Variants in ACTR3C observed in about 807,000 individuals in gnomAD.
The protein encoded by ACTR3C is actin-related protein 3C.
In ACTR3C, 18 loss-of-function variants were observed where a neutral mutation model predicts 26.3. The ratio of observed to expected loss-of-function variants is 0.68; its 90% confidence interval spans 0.47 to 1.01. The LOEUF (loss-of-function observed/expected upper bound fraction) is 1.01, where lower values mean the gene tolerates loss of function less well. Among genes scored for constraint, ACTR3C ranks in the 50% least tolerant of loss-of-function variants. The pLI, the probability that ACTR3C is intolerant of heterozygous loss-of-function variation, is 0.00. For missense variants in ACTR3C, 184 were observed against 250.7 expected, an observed-to-expected ratio of 0.73 and a Z score of 1.80; for synonymous variants, 55 against 94.5, an observed-to-expected ratio of 0.58 and a Z score of 2.42.
At chr7:150,147,712 T>G in the ACTR3C span, among the ~76,000 whole-genome samples, 8 of 152,312 alleles carry the variant, frequency 5.3e-5, no homozygotes, top group South Asian at 1.7e-3. Context: ...AGTCATGATG[T>G]GTGTGCCAGG....
chr7:150,302,034 TA>T (rs886406627), intron 1 of ACTR3C, among the ~76,000 whole-genome samples: 11 of 150,834 alleles, frequency 7.3e-5, no homozygotes, highest in Admixed American at 4.0e-4. Flanking sequence ...TATTTTAGAA[TA>T]AAAAAAAGTT....
At chr7:150,199,745 AAAC>A in the ACTR3C span, among the ~76,000 whole-genome samples, 1 of 144,166 alleles carries the variant, frequency 6.9e-6, no homozygotes, top group Non-Finnish European at 1.5e-5. Flanking sequence ...AAAAAAAAAA[AAAC>A]ATAGTACTGG....
At chr7:150,280,820 A>G (rs575664085) in intron 6 of ACTR3C, among the ~76,000 whole-genome samples, 14,051 of 142,838 alleles carry the variant, frequency 0.098, 896 homozygotes, top group South Asian at 0.18. Flanking sequence ...GTGTGTGTGT[A>G]TATATATATA....
the ACTR3C span, among the ~76,000 whole-genome samples, chr7:150,042,098 G>A: frequency 4.3e-5 from 4 of 93,764 alleles, no homozygotes; most frequent in Non-Finnish European, 4.6e-5. Flanking sequence ...CTGCCTCGCG[G>A]GGGGTGCCTC....
the ACTR3C span, among the ~76,000 whole-genome samples, chr7:149,886,086 G>A: frequency 1.3e-5 from 2 of 152,194 alleles, no homozygotes; most frequent in Non-Finnish European, 2.9e-5. Context: ...GTGCTCAACT[G>A]GTCGATAAAT....
chr7:149,914,230 T>A, the ACTR3C span, among the ~76,000 whole-genome samples: 1 of 151,802 alleles, frequency 6.6e-6, no homozygotes, highest in Admixed American at 6.6e-5. Flanking sequence ...AAACACTGTG[T>A]GTTTAGGTAC....
At chr7:150,052,570 T>C in the ACTR3C span, among the ~76,000 whole-genome samples, 1 of 131,676 alleles carries the variant, frequency 7.6e-6, no homozygotes, top group African/African-American at 2.7e-5. Flanking sequence ...CTCTGCATTT[T>C]AGCCCTACCA....
At chr7:150,206,656 A>T in the ACTR3C span, among the ~76,000 whole-genome samples, 1 of 152,004 alleles carries the variant, frequency 6.6e-6, no homozygotes, top group Non-Finnish European at 1.5e-5. Flanking sequence ...TCCTGACCTC[A>T]GGTGATCCAC....
chr7:150,169,599 T>G, the ACTR3C span, among the ~76,000 whole-genome samples: 2 of 150,476 alleles, frequency 1.3e-5, 1 homozygote, highest in African/African-American at 5.0e-5. Flanking sequence ...CTGTGGTAGT[T>G]GGTTACAGCA....
the ACTR3C span, among the ~76,000 whole-genome samples, chr7:150,082,938 T>C: frequency 4.3e-5 from 4 of 93,486 alleles, no homozygotes; most frequent in Admixed American, 1.0e-4. Context: ...TTTTTTCTTT[T>C]TTTTTTTTCT....
At chr7:149,969,998 G>C in the ACTR3C span, among the ~76,000 whole-genome samples, 1 of 152,056 alleles carries the variant, frequency 6.6e-6, no homozygotes, top group Admixed American at 6.6e-5. Flanking sequence ...GGTGGCTTGG[G>C]GTTTAGAAGT....
the ACTR3C span, among the ~76,000 whole-genome samples, chr7:150,223,188 A>T: frequency 6.6e-6 from 1 of 152,222 alleles, no homozygotes; most frequent in Non-Finnish European, 1.5e-5. Flanking sequence ...GTCATGCATT[A>T]TGAACTCCCT....
At position 150,274,237 on chromosome 7, in the gene ACTR3C, T is replaced by A. The variant is rs950446226; in HGVS notation, c.564+10516A>T. ...GGCATTTATTGCACTTCGCCCATAA[T>A]GTGTTTGTTACCAACTGAAGGTTTG... On this transcript the variant is annotated intron_variant, in intron 6 of 7. Coordinates refer to ENST00000683684, the MANE Select transcript of ACTR3C (RefSeq NM_001164458.2). This position sits in a 1 kb window ranked among gnomAD's most constrained non-coding sequence, Gnocchi z 4.1. Among the ~76,000 whole-genome samples, 4 of 152,174 alleles carry A rather than the reference T, an allele frequency of 2.6e-5. No individual in the cohort carries two copies. The highest frequency in any genetic ancestry group is 9.7e-5 in the African/African-American group (4 of 41,434).
the ACTR3C span, among the ~76,000 whole-genome samples, chr7:150,103,262 C>G: frequency 6.6e-6 from 1 of 151,988 alleles, no homozygotes; most frequent in Non-Finnish European, 1.5e-5. Context: ...GTGTTATTTA[C>G]TCGTTCACCA....
the ACTR3C span, among the ~76,000 whole-genome samples, chr7:150,045,691 T>C: frequency 6.6e-6 from 1 of 152,094 alleles, no homozygotes; most frequent in Non-Finnish European, 1.5e-5. Flanking sequence ...GTGAGAATCA[T>C]TTCTAGACAC....
At chr7:150,180,238 G>A in the ACTR3C span, among the ~76,000 whole-genome samples, 3 of 149,906 alleles carry the variant, frequency 2.0e-5, no homozygotes, top group Non-Finnish European at 2.9e-5. Flanking sequence ...CCGGGAGGCG[G>A]AGCTTGCAGT....
At chr7:150,229,714 C>A in the ACTR3C span, among the ~76,000 whole-genome samples, 2 of 145,368 alleles carry the variant, frequency 1.4e-5, no homozygotes, top group Non-Finnish European at 3.0e-5. Context: ...CCAGGCTGGT[C>A]TCAAACTCCA....
downstream of ACTR3C, chr7:150,244,522 T>C (rs1214338812): frequency 1.3e-5 from 2 of 152,008 alleles, no homozygotes; most frequent in Non-Finnish European, 2.9e-5. Context: ...TAGTCAATGT[T>C]CTTGCAAAAA....
chr7:150,209,587 A>G, the ACTR3C span, among the ~76,000 whole-genome samples: 1 of 150,748 alleles, frequency 6.6e-6, no homozygotes, highest in Admixed American at 6.6e-5. Context: ...GCATCTTCAA[A>G]AGTCATTGTT....
Sources: allele counts gnomAD v4.1 joint callset (sites outside exome capture counted in the v4.1 genomes callset), GRCh38; gene constraint gnomAD v4.1.1; non-coding constraint Gnocchi (gnomAD v3.1); transcripts MANE v1.5; gene names NCBI Gene and HGNC (gene_info 2026-07-23, HGNC 2026-07-21).